The following TNR variants were observed in gnomAD, a reference collection of about 807,000 sequenced individuals.
TNR encodes the protein tenascin-R.
TNR carries 45 observed loss-of-function variants against 150.4 expected under a neutral mutation model. The observed-to-expected ratio is 0.30, with a 90% CI of 0.24 to 0.38. The LOEUF is 0.38. Ranked by LOEUF, TNR falls within the 10% of genes least tolerant of loss-of-function variation. The pLI is 1.00. For synonymous variants in TNR, 687 were observed against 678.4 expected (o/e 1.01, Z -0.20); for missense variants, 1,544 against 1,759.1 (o/e 0.88, Z 2.19).
chr1:175,722,107 T>A (rs924671637), intron 1 of TNR, among the ~76,000 whole-genome samples: 3 of 152,074 alleles, frequency 2.0e-5, no homozygotes, highest in African/African-American at 2.4e-5. Context: ...CCTCCCTCCA[T>A]CACTCTGGCC....
chr1:175,501,227 G>A (rs532509893), intron 2 of TNR, among the ~76,000 whole-genome samples: 8 of 152,174 alleles, frequency 5.3e-5, no homozygotes, highest in Non-Finnish European at 1.2e-4. Context: ...ACACTCTCCT[G>A]TTGGCCTGGA....
chr1:175,607,559 G>T (rs1342967597), intron 1 of TNR, among the ~76,000 whole-genome samples: 1 of 152,108 alleles, frequency 6.6e-6, no homozygotes, highest in Non-Finnish European at 1.5e-5. Context: ...TTATCTTCCG[G>T]GTAAGACCAT....
intron 1 of TNR, among the ~76,000 whole-genome samples, chr1:175,684,546 C>A (rs1666130818): frequency 6.6e-6 from 1 of 152,192 alleles, no homozygotes; most frequent in African/African-American, 2.4e-5. Context: ...CAACGTTACA[C>A]AGGTGGTGGG....
At chr1:175,583,268 G>A (rs1662435458) in intron 1 of TNR, among the ~76,000 whole-genome samples, 1 of 152,182 alleles carries the variant, frequency 6.6e-6, no homozygotes, top group African/African-American at 2.4e-5. Context: ...GTAGCCAGGG[G>A]AAGGAGAGCC....
intron 2 of TNR, among the ~76,000 whole-genome samples, chr1:175,421,360 T>A (rs1356996456): frequency 6.6e-6 from 1 of 152,220 alleles, no homozygotes; most frequent in East Asian, 1.9e-4. Flanking sequence ...GTTTGCATTA[T>A]CAAACAGGAT....
chr1:175,568,590 C>G (rs916371430), intron 1 of TNR, among the ~76,000 whole-genome samples: 5 of 152,200 alleles, frequency 3.3e-5, no homozygotes, highest in Admixed American at 6.5e-5. Context: ...TTATTTCACT[C>G]TCTGAGGTTC....
rs569067445 is a variant in TNR, at chr1:175,595,657, A to G, written c.-164-67288T>C. ...GTTTTAAGTCTATAGTAGACCCACTAAATTACCAGACTGAATTGGACCAAA... is the reference window on the plus strand; with the variant it reads ...GTTTTAAGTCTATAGTAGACCCACTGAATTACCAGACTGAATTGGACCAAA... On this transcript the variant is annotated intron_variant, in intron 1 of 22. Coordinates refer to ENST00000367674, the MANE Select transcript of TNR (RefSeq NM_003285.3). Among the ~76,000 whole-genome samples, 4 of 152,314 alleles carry G rather than the reference A, an allele frequency of 2.6e-5. No homozygotes were observed. In the South Asian group the frequency reaches 6.2e-4, roughly 24 times the overall value.
chr1:175,663,821 C>G (rs1232896455), intron 1 of TNR, among the ~76,000 whole-genome samples: 2 of 152,218 alleles, frequency 1.3e-5, no homozygotes, highest in Non-Finnish European at 2.9e-5. Context: ...GTCTGGGGAA[C>G]TGGAGAGTCC....
intron 2 of TNR, among the ~76,000 whole-genome samples, chr1:175,480,295 A>T (rs1188299084): frequency 9.8e-6 from 1 of 102,290 alleles, no homozygotes; most frequent in African/African-American, 2.8e-5. Flanking sequence ...TGGACATAGT[A>T]AAAAAAAAAT....
intron 2 of TNR, among the ~76,000 whole-genome samples, chr1:175,505,252 G>C (rs1009482594): frequency 6.6e-6 from 1 of 152,186 alleles, no homozygotes; most frequent in Non-Finnish European, 1.5e-5. Context: ...GCCACAGTAC[G>C]ACAGGAAGCC....
chr1:175,362,570 C>G (rs1344039278), intron 14 of TNR, 93 bp downstream of exon 14: 7 of 1,490,200 alleles, frequency 4.7e-6, no homozygotes, highest in African/African-American at 2.8e-5. Context: ...CGAAATGGAG[C>G]CTTAGCCTCC....
intron 2 of TNR, among the ~76,000 whole-genome samples, chr1:175,415,537 C>T (rs1463867559): frequency 6.6e-6 from 1 of 152,216 alleles, no homozygotes; most frequent in African/African-American, 2.4e-5. Flanking sequence ...TTGATGTATC[C>T]CCATGTGGGA....
chr1:175,398,032 T>A (rs184439254), intron 4 of TNR, among the ~76,000 whole-genome samples: 8 of 152,308 alleles, frequency 5.3e-5, no homozygotes, highest in African/African-American at 1.9e-4. Flanking sequence ...GGTTTTGAAT[T>A]TCTCCCCTGG....
intron 1 of TNR, among the ~76,000 whole-genome samples, chr1:175,652,029 A>G (rs1402988345): frequency 6.7e-6 from 1 of 150,032 alleles, no homozygotes; most frequent in Non-Finnish European, 1.5e-5. Context: ...AATAACTTTC[A>G]GAAAACTAAT....
chr1:175,391,638 T>C (rs1246268518), intron 6 of TNR, among the ~76,000 whole-genome samples, 200 bp from the exon 7 acceptor site: 3 of 152,222 alleles, frequency 2.0e-5, no homozygotes, highest in Non-Finnish European at 2.9e-5. Context: ...GACACCACCC[T>C]ATGAGGATTT....
chr1:175,693,985 T>G (rs539791602), intron 1 of TNR, among the ~76,000 whole-genome samples: 1 of 152,234 alleles, frequency 6.6e-6, no homozygotes, highest in Admixed American at 6.5e-5. Flanking sequence ...AGTAGAAGAA[T>G]AAGCCTTCAA....
chr1:175,607,834 A>G (rs1036576191), intron 1 of TNR, among the ~76,000 whole-genome samples: 1 of 152,260 alleles, frequency 6.6e-6, no homozygotes, highest in Non-Finnish European at 1.5e-5. Flanking sequence ...CATCTGTAAA[A>G]TGGAGATGTA....
rs566043479 is a variant in TNR, at chr1:175,426,358, G to A, written c.-63-19581C>T. 5.9e-5 allele frequency among the ~76,000 whole-genome samples: 9 copies of A among 152,256 alleles called. No individual in the cohort carries two copies. In the East Asian group the frequency reaches 1.7e-3, roughly 29 times the overall value. On this transcript the variant is annotated intron_variant, in intron 2 of 22. Transcript: ENST00000367674. ...GTTTGCTCCCCTGCCTGAATCTACC[G>A]GGGCTGCAGTAGTCCACTGTAGGTG...
intron 22 of TNR, among the ~76,000 whole-genome samples, chr1:175,323,983 A>G (rs1324316760): frequency 6.6e-6 from 1 of 151,944 alleles, no homozygotes; most frequent in Non-Finnish European, 1.5e-5. Context: ...TAGCCTATAA[A>G]CTTGTGGTCT....
Sources: allele counts gnomAD v4.1 joint callset (sites outside exome capture counted in the v4.1 genomes callset), GRCh38; gene constraint gnomAD v4.1.1; transcripts MANE v1.5; gene names NCBI Gene and HGNC (gene_info 2026-07-23, HGNC 2026-07-21).